CIT: variants seen among roughly 807,000 people sequenced by gnomAD.
CIT encodes the protein citron rho-interacting serine/threonine kinase.
Under a neutral mutation model 272.7 loss-of-function variants are expected in CIT, and 79 were observed. The observed-to-expected ratio is 0.29, with a 90% CI of 0.24 to 0.35. CIT has a LOEUF of 0.35. CIT is among the 10% of genes least tolerant of loss of function. The pLI is 1.00. For synonymous variants in CIT, 948 were observed against 995.6 expected, an observed-to-expected ratio of 0.95 and a Z score of 0.90; for missense variants, 1,909 against 2,618.3, an observed-to-expected ratio of 0.73 and a Z score of 5.91.
intron 10 of CIT, 49 bp from the exon 11 acceptor site, chr12:119,785,114 A>G (rs1240815551): frequency 6.3e-7 from 1 of 1,589,334 alleles, no homozygotes; most frequent in Admixed American, 1.8e-5. Flanking sequence ...TGGGCCTAAG[A>G]AGCTGCATTA....
At chr12:119,757,606 T>C in intron 21 of CIT, 61 bp from the exon 22 acceptor site, 1 of 1,599,520 alleles carries the variant, frequency 6.3e-7, no homozygotes, top group Non-Finnish European at 8.5e-7. Context: ...TGAGCCCGTT[T>C]CCACGGGAGG....
chr12:119,687,944 C>T lies in CIT; in HGVS notation c.*288G>A, dbSNP rs1337414341. The T allele has an allele frequency of 8.3e-6, 4 of 481,046 alleles. No homozygotes were observed. Among genetic ancestry groups the T allele is most frequent in the South Asian group, 6.6e-5 (2 of 30,094 alleles). 29.8% of individuals were successfully genotyped at this position (481,046 alleles called of 1,614,324 possible). Reference sequence around the variant, plus strand: ...CCTTTGATGAACTAACTGGTACAGGCTAGAGCTAGGTACAAAAGTTTGTGA... The same window carrying T: ...CCTTTGATGAACTAACTGGTACAGGTTAGAGCTAGGTACAAAAGTTTGTGA... On this transcript the variant is annotated 3_prime_UTR_variant, in exon 48 of 48. Coordinates refer to ENST00000392521, the MANE Select transcript of CIT (RefSeq NM_001206999.2).
chr12:119,831,177 A>C (rs1968601229), intron 7 of CIT, among the ~76,000 whole-genome samples: 1 of 152,176 alleles, frequency 6.6e-6, no homozygotes, highest in Non-Finnish European at 1.5e-5. Context: ...GTTTAATCCT[A>C]AGTGATAAAA....
intron 3 of CIT, among the ~76,000 whole-genome samples, chr12:119,863,696 T>C (rs1950432268): frequency 6.6e-6 from 1 of 151,712 alleles, no homozygotes; most frequent in Admixed American, 6.6e-5. Context: ...CTGGCTAATT[T>C]TTGTATTTTT....
At chr12:119,823,018 C>T (rs780422313) in intron 8 of CIT, 45 bp from the exon 9 acceptor site, 14 of 1,541,458 alleles carry the variant, frequency 9.1e-6, no homozygotes, top group East Asian at 2.3e-5. Context: ...GTAGGGATTC[C>T]GTTTCTCATG....
chr12:119,737,685 T>C (rs956357222), intron 24 of CIT, among the ~76,000 whole-genome samples: 1 of 152,186 alleles, frequency 6.6e-6, no homozygotes, highest in African/African-American at 2.4e-5. Context: ...CTAATTATAT[T>C]TCCGGTTTGT....
chr12:119,718,614 G>A lies in CIT; in HGVS notation c.4003+85C>T, dbSNP rs1407939304. 2.2e-5 allele frequency: 34 copies of A among 1,553,758 alleles called. No individual in the cohort carries two copies. Among genetic ancestry groups the A allele is most frequent in the Non-Finnish European group, 2.7e-5 (31 of 1,135,994 alleles). On this transcript the variant is annotated intron_variant, in intron 31 of 47. Transcript: ENST00000392521. This position sits in a 1 kb window ranked among gnomAD's most constrained non-coding sequence, Gnocchi z 4.8. ...TATGGGCCATAAACGAAGACACTGAGCTAGTTAGTCTTGGCTGATCTCACT... is the reference window on the plus strand; with the variant it reads ...TATGGGCCATAAACGAAGACACTGAACTAGTTAGTCTTGGCTGATCTCACT...
chr12:119,825,923 T>G (rs1397784849), intron 7 of CIT, among the ~76,000 whole-genome samples: 1 of 151,938 alleles, frequency 6.6e-6, no homozygotes, highest in Non-Finnish European at 1.5e-5. Flanking sequence ...CAAAAATTAG[T>G]CAGGTGTGGT....
chr12:119,776,866 A>C, intron 13 of CIT, 24 bp from the exon 14 acceptor site: 1 of 1,612,408 alleles, frequency 6.2e-7, no homozygotes, highest in Non-Finnish European at 8.5e-7. Context: ...AATGAAATAA[A>C]AGAGAACTTT....
At chr12:119,776,597 T>G in intron 14 of CIT, 75 bp downstream of exon 14, 1 of 1,434,908 alleles carries the variant, frequency 7.0e-7, no homozygotes, top group Non-Finnish European at 9.5e-7. Flanking sequence ...CTCATTAAAC[T>G]AGGTTCTCCT....
chr12:119,782,847 A>AC (rs1964429732), intron 12 of CIT: 1 of 488,764 alleles, frequency 2.0e-6, no homozygotes, highest in East Asian at 3.6e-5. Context: ...TGGTGACCTT[A>AC]GGGATCCAGC....
chr12:119,698,113 C>A, intron 44 of CIT, 59 bp from the exon 45 acceptor site: 2 of 1,455,424 alleles, frequency 1.4e-6, no homozygotes, highest in Non-Finnish European at 1.9e-6. Context: ...GAGGGAAAAT[C>A]AAAATCTGAC....
At chr12:119,757,643 T>G in intron 21 of CIT, 98 bp from the exon 22 acceptor site, 1 of 1,454,348 alleles carries the variant, frequency 6.9e-7, no homozygotes, top group Non-Finnish European at 9.4e-7. Flanking sequence ...TAGACATGTC[T>G]CCTCACTAAG....
rs376754711 is a variant in CIT at position 119,784,271 on chromosome 12, G to A, written c.1402-220C>T. 1.4e-5 allele frequency: 22 copies of A among 1,569,724 alleles called. No homozygotes were observed. Among genetic ancestry groups the A allele is most frequent in the African/African-American group, 2.7e-5 (2 of 74,158 alleles). The stretch of plus-strand genomic sequence containing the variant: ...AAGTCACTCCTCTCATTCAAGTCCC[G>A]GTTCACACTTGATCACTTCTCTAAC... On this transcript the variant is annotated intron_variant, in intron 11 of 47. Coordinates refer to ENST00000392521, the MANE Select transcript of CIT (RefSeq NM_001206999.2). The surrounding 1 kb of genome is among the most constrained non-coding windows in gnomAD (Gnocchi z 4.7).
chr12:119,853,915 G>C (rs1970399702), intron 4 of CIT, among the ~76,000 whole-genome samples: 1 of 151,990 alleles, frequency 6.6e-6, no homozygotes, highest in African/African-American at 2.4e-5. Flanking sequence ...AGCCAGGAGG[G>C]GTGGCTCATG....
Position 119,784,172 on chromosome 12 carries a change from A to T in CIT, c.1402-121T>A. ...GCTAAGGCTAATTCGCCAAAAGTTA[A>T]GTTGGGATGGAAATACCATTGTTTC... On this transcript the variant is annotated intron_variant, in intron 11 of 47. Coordinates refer to ENST00000392521, the MANE Select transcript of CIT (RefSeq NM_001206999.2). This position sits in a 1 kb window ranked among gnomAD's most constrained non-coding sequence, Gnocchi z 4.7. The T allele has an allele frequency of 6.2e-7, 1 of 1,610,436 alleles. No individual in the cohort carries two copies. The highest frequency in any genetic ancestry group is 8.5e-7 in the Non-Finnish European group (1 of 1,177,968).
Position 119,784,617 on chromosome 12 carries a change from G to C in CIT, c.1401+343C>G. The C allele has an allele frequency of 8.3e-7, 1 of 1,202,530 alleles. No homozygotes were observed. The highest frequency in any genetic ancestry group is 1.0e-6 in the Non-Finnish European group (1 of 961,882). The allele number at this position is 1,202,530 out of a possible 1,614,324, so 74.5% of individuals were successfully genotyped here. ...CAGGAGTTTTAAAAGACTAGGAAGA[G>C]AGACTTCGCATCACTCAAAGCAGAT... On this transcript the variant is annotated intron_variant, in intron 11 of 47. Transcript: ENST00000392521. The surrounding 1 kb of genome is among the most constrained non-coding windows in gnomAD (Gnocchi z 4.7).
At chr12:119,844,139 A>G (rs1969620432) in intron 5 of CIT, among the ~76,000 whole-genome samples, 1 of 150,612 alleles carries the variant, frequency 6.6e-6, no homozygotes, top group African/African-American at 2.4e-5. Flanking sequence ...CTCCTGCCTC[A>G]GCCTAAGGAG....
intron 13 of CIT, chr12:119,782,059 G>A (rs1964341908): frequency 6.6e-6 from 1 of 151,482 alleles, no homozygotes; most frequent in African/African-American, 2.4e-5. Context: ...GCATGGCTGT[G>A]TTCCAAAAAA....
Sources: gnomAD v4.1 joint callset for allele counts (sites outside exome capture counted in the v4.1 genomes callset) on GRCh38, gnomAD v4.1.1 for gene constraint, Gnocchi (gnomAD v3.1) non-coding constraint, MANE v1.5 for transcripts, NCBI Gene and HGNC (gene_info 2026-07-23, HGNC 2026-07-21) for gene names.